GNAI3: variants seen among roughly 807,000 people sequenced by gnomAD.
The protein encoded by GNAI3 is guanine nucleotide-binding protein G(i) subunit alpha-3.
Under a neutral mutation model 41.8 loss-of-function variants are expected in GNAI3, and 12 were observed. The observed-to-expected ratio is 0.29, with a 90% CI of 0.18 to 0.47. GNAI3 has a LOEUF of 0.47. Among genes scored for constraint, GNAI3 ranks in the 20% least tolerant of loss-of-function variants. GNAI3 has a pLI of 1.00. For synonymous variants in GNAI3, 132 were observed against 146.5 expected (o/e 0.90, Z 0.71); for missense variants, 360 against 429.6 (o/e 0.84, Z 1.43).
intron 1 of GNAI3, 71 bp from the exon 2 acceptor site, chr1:109,573,666 T>C: frequency 1.6e-6 from 2 of 1,243,838 alleles, no homozygotes; most frequent in Non-Finnish European, 2.4e-6. Context: ...TCTAGAGTTA[T>C]CATTCATGTT....
Position 109,596,464 on chromosome 1 carries a change from G to C in GNAI3, c.*4142G>C, listed in dbSNP as rs1557915287. The C allele has an allele frequency of 6.6e-6, 1 of 152,270 alleles. No homozygotes were observed. The highest frequency in any genetic ancestry group is 1.5e-5 in the Non-Finnish European group (1 of 68,150). The allele number at this position is 152,270 out of a possible 1,614,324, so 9.4% of individuals were successfully genotyped here. A position where few individuals can be genotyped will look rare whatever the true frequency, so the allele number is the denominator to read the frequency against. On this transcript the variant is annotated 3_prime_UTR_variant, in exon 9 of 9. Coordinates refer to ENST00000369851, the MANE Select transcript of GNAI3 (RefSeq NM_006496.4). ...TGCCTCTTAGGTTCAAGCGATTCTT[G>C]TGCCTCAGCCTCCCAAGTAGCTGTG...
At chr1:109,567,943 G>A (rs1030860605) in intron 1 of GNAI3, among the ~76,000 whole-genome samples, 21 of 148,898 alleles carry the variant, frequency 1.4e-4, no homozygotes, top group Admixed American at 1.3e-3. Context: ...AAATGAAAGA[G>A]AAAAAAGAGA....
intron 4 of GNAI3, 124 bp from the exon 5 acceptor site, chr1:109,582,313 A>G: frequency 1.6e-6 from 1 of 638,440 alleles, no homozygotes; most frequent in Non-Finnish European, 2.8e-6. Flanking sequence ...GATACTGAAG[A>G]TCTGATTCTG....
Position 109,578,489 on chromosome 1 carries a change from A to G in GNAI3, c.304-715A>G, listed in dbSNP as rs1429594244. On this transcript the variant is annotated intron_variant, in intron 3 of 8. Coordinates refer to ENST00000369851, the MANE Select transcript of GNAI3 (RefSeq NM_006496.4). Reference sequence around the variant, plus strand: ...CCGTCTCAAAAAAAAAAAAAAAAAAAAAGAAAAGAAATAAAGAAAACCATG... The same window carrying G: ...CCGTCTCAAAAAAAAAAAAAAAAAAGAAGAAAAGAAATAAAGAAAACCATG... 1.2e-4 allele frequency among the ~76,000 whole-genome samples: 18 copies of G among 150,910 alleles called. No homozygotes were observed. In the East Asian group the frequency reaches 3.5e-3, roughly 29 times the overall value.
In GNAI3 at chr1:109,573,902, T is replaced by G. The variant is rs1445343635; in HGVS notation, c.168T>G (p.Ile56Met). Residue 56 changes from isoleucine (I) to methionine (M), a missense_variant, in exon 3 of 9, where the codon ATT (isoleucine) becomes ATG (methionine). By Grantham distance (10) the Ile-to-Met change is conservative (BLOSUM62 1). Transcript: ENST00000369851. ...GGTTTTCTTTGTTTTAAAGAATCAT[T>G]CATGAGGATGGCTATTCAGAGGATG... ...KSTIVKQMKI[I>M]HEDGYSEDEC... The G allele has an allele frequency of 1.9e-6, 3 of 1,611,106 alleles. No individual in the cohort carries two copies. In the South Asian group the frequency reaches 3.3e-5, roughly 18 times the overall value.
At chr1:109,578,418 C>T (rs1018494533) in intron 3 of GNAI3, among the ~76,000 whole-genome samples, 15 of 146,844 alleles carry the variant, frequency 1.0e-4, no homozygotes, top group African/African-American at 3.0e-4. Flanking sequence ...TACAAGGAGC[C>T]GAGATCACAT....
chr1:109,552,712 G>A (rs1222349063), intron 1 of GNAI3, among the ~76,000 whole-genome samples: 4 of 151,602 alleles, frequency 2.6e-5, no homozygotes, highest in Non-Finnish European at 5.9e-5. Context: ...TGTGTGTGCG[G>A]GTTTTGTTTT....
chr1:109,583,763 T>G (rs1392175246), intron 5 of GNAI3, among the ~76,000 whole-genome samples: 1 of 151,208 alleles, frequency 6.6e-6, no homozygotes, highest in African/African-American at 2.4e-5. Context: ...TTTTTTTTTT[T>G]TGTACTTTTA....
In GNAI3 at chr1:109,579,091, G is replaced by T; in HGVS notation, c.304-113G>T. The T allele has an allele frequency of 8.4e-6, 7 of 834,070 alleles. No homozygotes were observed. In the South Asian group the frequency reaches 1.2e-4, roughly 14 times the overall value. The allele number at this position is 834,070 out of a possible 1,614,324, so 51.7% of individuals were successfully genotyped here. On this transcript the variant is annotated intron_variant, in intron 3 of 8. Coordinates refer to ENST00000369851, the MANE Select transcript of GNAI3 (RefSeq NM_006496.4). ...TGCTGGCCTGTCAGAAAAGGTCTCT[G>T]TAACAACACCTCTTTTAACATAACA...
In GNAI3 at chr1:109,579,287, G is replaced by A. The variant is rs12721540; in HGVS notation, c.387G>A (p.Arg129=). 2.5e-6 allele frequency: 4 copies of A among 1,613,600 alleles called. No homozygotes were observed. Among genetic ancestry groups the A allele is most frequent in the Non-Finnish European group, 1.7e-6 (2 of 1,179,568 alleles). Residue 129 remains arginine, a synonymous_variant, in exon 4 of 9, where the codon CGG becomes CGA. Transcript: ENST00000369851. ...CAGAACTAGCAGGAGTGATTAAACGGTTATGGCGAGATGGTGGGGTACAAG... is the reference window on the plus strand; with the variant it reads ...CAGAACTAGCAGGAGTGATTAAACGATTATGGCGAGATGGTGGGGTACAAG... The part of the protein sequence containing the change: ...MTPELAGVIK[R]LWRDGGVQAC...
chr1:109,599,754 T>C lies in GNAI3; in HGVS notation c.*7432T>C, dbSNP rs1043441916. On this transcript the variant is annotated 3_prime_UTR_variant, in exon 9 of 9. Coordinates refer to ENST00000369851, the MANE Select transcript of GNAI3 (RefSeq NM_006496.4). ...TATTTTGAGATCTATTTGTCTTAGC[T>C]TGGAGGTGGTTTTGTTAAATGTCCA... is the stretch of plus-strand genomic sequence containing the variant. The C allele has an allele frequency of 6.6e-6, 1 of 152,226 alleles. No homozygotes were observed. Among genetic ancestry groups the C allele is most frequent in the Non-Finnish European group, 1.5e-5 (1 of 68,050 alleles). 9.4% of individuals were successfully genotyped at this position (152,226 alleles called of 1,614,324 possible). A position where few individuals can be genotyped will look rare whatever the true frequency, so the allele number is the denominator to read the frequency against.
intron 1 of GNAI3, among the ~76,000 whole-genome samples, chr1:109,572,137 CTG>C (rs1184932645): frequency 6.6e-6 from 1 of 151,926 alleles, no homozygotes; most frequent in Non-Finnish European, 1.5e-5. Flanking sequence ...GTGAAAAACC[CTG>C]TCTCTACTAA....
intron 4 of GNAI3, among the ~76,000 whole-genome samples, chr1:109,580,058 G>C (rs984139637): frequency 6.6e-6 from 1 of 152,162 alleles, no homozygotes; most frequent in Non-Finnish European, 1.5e-5. Flanking sequence ...CTGGAGTGCA[G>C]TGGCTCCATC....
At chr1:109,549,763 TTCAAA>T (rs1464069617) in intron 1 of GNAI3, among the ~76,000 whole-genome samples, 1 of 152,236 alleles carries the variant, frequency 6.6e-6, no homozygotes, top group Non-Finnish European at 1.5e-5. Context: ...TTTTGGCCTC[TTCAAA>T]GCAAAACCAT....
chr1:109,592,196 T>C lies in GNAI3; in HGVS notation c.1028T>C (p.Ile343Thr), dbSNP rs138513964. The C allele has an allele frequency of 1.2e-6, 2 of 1,613,284 alleles. No homozygotes were observed. Among genetic ancestry groups the C allele is most frequent in the Non-Finnish European group, 1.7e-6 (2 of 1,179,270 alleles). The change falls in exon 8 of 9, where the codon ATC becomes ACC. Residue 343 changes from isoleucine (I) to threonine (T), a missense_variant. By Grantham distance (89) the Ile-to-Thr change is moderately conservative. Coordinates refer to ENST00000369851, the MANE Select transcript of GNAI3 (RefSeq NM_006496.4). ...QFVFDAVTDV[I>T]IKNNLKECGL... ...GTTTTTGATGCTGTTACAGATGTCA[T>C]CATTAAAAACAACTTAAAGGAATGT...
chr1:109,590,862 G>A (rs952146022), intron 7 of GNAI3, among the ~76,000 whole-genome samples: 2 of 152,188 alleles, frequency 1.3e-5, no homozygotes, highest in Non-Finnish European at 2.9e-5. Flanking sequence ...ACCGCACCCA[G>A]CTCCTTTTTT....
chr1:109,565,500 T>C (rs112222792), intron 1 of GNAI3, among the ~76,000 whole-genome samples: 90 of 152,220 alleles, frequency 5.9e-4, no homozygotes, highest in Middle Eastern at 3.4e-3. Flanking sequence ...TGAATAAAGA[T>C]AGCATAGGAA....
intron 4 of GNAI3, among the ~76,000 whole-genome samples, chr1:109,581,719 C>T (rs555484944): frequency 1.3e-5 from 2 of 152,160 alleles, no homozygotes; most frequent in Admixed American, 1.3e-4. Flanking sequence ...GAAACCCCAT[C>T]TCTACTAAAA....
At chr1:109,586,640 G>A in intron 6 of GNAI3, 89 bp from the exon 7 acceptor site, 1 of 910,252 alleles carries the variant, frequency 1.1e-6, no homozygotes, top group South Asian at 1.7e-5. Flanking sequence ...GCCATTTAGT[G>A]CTGCAAAACT....
Sources: gnomAD v4.1 joint callset for allele counts (sites outside exome capture counted in the v4.1 genomes callset) on GRCh38, gnomAD v4.1.1 for gene constraint, MANE v1.5 for transcripts, NCBI Gene and HGNC (gene_info 2026-07-23, HGNC 2026-07-21) for gene names.